MYO18A: variants seen among roughly 807,000 people sequenced by gnomAD.
MYO18A encodes the protein myosin XVIIIA, also known as unconventional myosin-XVIIIa.
A neutral mutation model predicts 235.8 loss-of-function variants in MYO18A; 78 were observed. The observed-to-expected ratio is 0.33, with a 90% CI of 0.28 to 0.40. The LOEUF (loss-of-function observed/expected upper bound fraction) is 0.40. MYO18A is among the 10% of genes least tolerant of loss of function. The probability of loss-of-function intolerance (pLI) is 1.00; values close to 1 mark genes in which losing one functional copy is unlikely to be tolerated. For synonymous variants in MYO18A, 977 were observed against 1,077.8 expected, an observed-to-expected ratio of 0.91 and a Z score of 1.83; for missense variants, 2,215 against 2,699.3, an observed-to-expected ratio of 0.82 and a Z score of 3.98.
intron 2 of MYO18A, among the ~76,000 whole-genome samples, chr17:29,164,751 C>T (rs2068243712): frequency 6.6e-6 from 1 of 152,188 alleles, no homozygotes; most frequent in East Asian, 1.9e-4. Context: ...TATGTAGCCA[C>T]CCTATCAAAA....
intron 10 of MYO18A, among the ~76,000 whole-genome samples, chr17:29,116,899 C>A (rs905023138): frequency 3.3e-5 from 5 of 152,010 alleles, no homozygotes; most frequent in African/African-American, 1.2e-4. Flanking sequence ...CTTCCCTCAA[C>A]ACACAGCCAC....
intron 28 of MYO18A, among the ~76,000 whole-genome samples, chr17:29,095,505 C>T (rs959566453): frequency 3.3e-5 from 5 of 152,256 alleles, no homozygotes; most frequent in African/African-American, 9.6e-5. Flanking sequence ...TTGCCCCTGC[C>T]TCTGGGCACC....
chr17:29,080,064 C>G (rs1414784686), intron 41 of MYO18A: 5 of 985,828 alleles, frequency 5.1e-6, no homozygotes, highest in Admixed American at 1.2e-4. Flanking sequence ...CGCTCCTTCG[C>G]CGGCTCCGGC....
In MYO18A at chr17:29,140,403, C is replaced by T. The variant is rs1381134673; in HGVS notation, c.1000-18150G>A. 1.9e-5 allele frequency: 24 copies of T among 1,283,088 alleles called. No individual in the cohort carries two copies. The East Asian group carries it at 5.7e-4, about 31-fold the overall frequency. 79.5% of individuals were successfully genotyped at this position (1,283,088 alleles called of 1,614,324 possible). A position where few individuals can be genotyped will look rare whatever the true frequency, so the allele number is the denominator to read the frequency against. On this transcript the variant is annotated intron_variant, in intron 2 of 41. Coordinates refer to ENST00000527372, the MANE Select transcript of MYO18A (RefSeq NM_078471.4). This position sits in a 1 kb window ranked among gnomAD's most constrained non-coding sequence, Gnocchi z 4.2. ...CTCCGCTCTGATGCTGCTCTGGCTC[C>T]GTTAGCAGCTCAAAATAGCACAGGC...
Position 29,120,843 on chromosome 17 carries a change from C to CT in MYO18A, c.1586-86dup. ...AGGAGCTACCCCAGAGGTATGAAGG[C>CT]TTGGGGCCATTCAGACCAGAACTGC... On this transcript the variant is annotated intron_variant, in intron 6 of 41. Coordinates refer to ENST00000527372, the MANE Select transcript of MYO18A (RefSeq NM_078471.4). The surrounding 1 kb of genome is among the most constrained non-coding windows in gnomAD (Gnocchi z 4.2). The CT allele has an allele frequency of 1.3e-6, 2 of 1,569,786 alleles. No homozygotes were observed. Among genetic ancestry groups the CT allele is most frequent in the Non-Finnish European group, 1.7e-6 (2 of 1,155,014 alleles).
At chr17:29,086,754 G>T in intron 38 of MYO18A, 177 bp from the exon 39 acceptor site, 1 of 1,125,306 alleles carries the variant, frequency 8.9e-7, no homozygotes, top group Non-Finnish European at 1.2e-6. Context: ...CCTCATCTGA[G>T]GGAGTCTCCA....
rs1428532519 is a variant in MYO18A, at chr17:29,111,555, T to C, written c.2769A>G (p.Lys923=). Residue 923 remains lysine (K), a synonymous_variant, in exon 17 of 42, where the codon AAA becomes AAG. Coordinates refer to ENST00000527372, the MANE Select transcript of MYO18A (RefSeq NM_078471.4). This position sits in a 1 kb window ranked among gnomAD's most constrained non-coding sequence, Gnocchi z 5.1. ...KGQSPLLHSS[K]PHHFLLGHSH... is the part of the protein sequence containing the mutation. The stretch of plus-strand genomic sequence containing the variant: ...TGTGGCCCAGGAGAAAGTGGTGTGG[T>C]TTGCTGCTGTGCAGAAGGGGGCTTT... The C allele has an allele frequency of 7.4e-6, 12 of 1,613,610 alleles. No homozygotes were observed. Among genetic ancestry groups the C allele is most frequent in the Non-Finnish European group, 1.0e-5 (12 of 1,179,842 alleles).
chr17:29,170,787 C>A (rs561253507), intron 1 of MYO18A, among the ~76,000 whole-genome samples: 44 of 152,302 alleles, frequency 2.9e-4, no homozygotes, highest in African/African-American at 1.1e-3. Flanking sequence ...GAGTAAGCAT[C>A]CCGAAGGCAA....
chr17:29,085,514 G>A, intron 40 of MYO18A, 90 bp downstream of exon 40: 1 of 1,159,822 alleles, frequency 8.6e-7, no homozygotes, highest in Non-Finnish European at 1.3e-6. Context: ...TCCACATGCT[G>A]CGTGCAGCGG....
chr17:29,093,470 C>A (rs2066449439), intron 31 of MYO18A, 43 bp from the exon 32 acceptor site: 1 of 1,502,376 alleles, frequency 6.7e-7, no homozygotes. Context: ...CCCTTTAGTG[C>A]CTGGTGCGAA....
intron 39 of MYO18A, 91 bp downstream of exon 39, chr17:29,086,347 G>A (rs1330350083): frequency 7.0e-7 from 1 of 1,428,540 alleles, no homozygotes; most frequent in Non-Finnish European, 9.6e-7. Flanking sequence ...GGGAGGCAGA[G>A]GTTGCAACTG....
chr17:29,122,108 T>A, intron 3 of MYO18A, 58 bp downstream of exon 3: 1 of 1,571,574 alleles, frequency 6.4e-7, no homozygotes, highest in Non-Finnish European at 8.7e-7. Context: ...GCACATTCGC[T>A]GCCCAGCCCT....
chr17:29,073,847 AG>A lies in MYO18A; in HGVS notation c.*922del. Reference sequence around the variant, plus strand: ...TCCATCTTCAGTTTTTCTGATCACAAGTCCTCAACCCCAAGCCTTCCCTCTC... The same window carrying A: ...TCCATCTTCAGTTTTTCTGATCACAATCCTCAACCCCAAGCCTTCCCTCTC... On this transcript the variant is annotated 3_prime_UTR_variant, in exon 42 of 42. Coordinates refer to ENST00000527372, the MANE Select transcript of MYO18A (RefSeq NM_078471.4). 1 of 1,578,760 alleles carries A rather than the reference AG, an allele frequency of 6.3e-7. No individual in the cohort carries two copies. The highest frequency in any genetic ancestry group is 8.7e-7 in the Non-Finnish European group (1 of 1,155,246).
chr17:29,091,009 G>A lies in MYO18A; in HGVS notation c.5188-83C>T, dbSNP rs749836999. On this transcript the variant is annotated intron_variant, in intron 34 of 41. Coordinates refer to ENST00000527372, the MANE Select transcript of MYO18A (RefSeq NM_078471.4). ...AGCTGCCTCCAATGGCAGGGGCATT[G>A]TAGAGAAGATGATAATGGGCTGAGC... is the stretch of plus-strand genomic sequence containing the variant. 6.9e-4 allele frequency: 772 copies of A among 1,119,994 alleles called. 1 individual carries two copies. The highest frequency in any genetic ancestry group is 9.8e-4 in the Non-Finnish European group (737 of 755,566). 69.4% of individuals were successfully genotyped at this position (1,119,994 alleles called of 1,614,324 possible).
chr17:29,178,397 C>A (rs1284230307), intron 1 of MYO18A, among the ~76,000 whole-genome samples: 1 of 52,304 alleles, frequency 1.9e-5, no homozygotes, highest in Admixed American at 2.6e-4. Context: ...CCCTCCCATG[C>A]CCACCCTCCA....
At position 29,117,023 on chromosome 17, in the gene MYO18A, G is replaced by A. The variant is rs1567606879; in HGVS notation, c.2039-568C>T. On this transcript the variant is annotated intron_variant, in intron 10 of 41. Coordinates refer to ENST00000527372, the MANE Select transcript of MYO18A (RefSeq NM_078471.4). This position sits in a 1 kb window ranked among gnomAD's most constrained non-coding sequence, Gnocchi z 4.6. ...TGGGGTCGCTCGCATGGAGCCTCAC[G>A]CCTGGGCACCCATTCCTCCATACAC... Among the ~76,000 whole-genome samples, 2 of 151,956 alleles carry A rather than the reference G, an allele frequency of 1.3e-5. No homozygotes were observed. The highest frequency in any genetic ancestry group is 2.4e-5 in the African/African-American group (1 of 41,360).
At chr17:29,076,968 T>C (rs2065996497) in intron 41 of MYO18A, 1 of 152,264 alleles carries the variant, frequency 6.6e-6, no homozygotes, top group Non-Finnish European at 1.5e-5. Context: ...TCTGGTCCTT[T>C]CCATTGCCTC....
At position 29,099,634 on chromosome 17, in the gene MYO18A, C is replaced by T. The variant is rs757488310; in HGVS notation, c.3636G>A (p.Lys1212=). The change falls in exon 22 of 42, where the codon AAG becomes AAA. Residue 1212 remains lysine (K), a splice_region_variant and synonymous_variant. Transcript: ENST00000527372. ...YLARQHFKKR[K]IQDLAIRCVQ... ...GGGAGGGATGTCTCTAGAGCAGCAC[C>T]TTTCTCTTCTTGAAGTGCTGGCGGG... 1 of 1,613,366 alleles carries T rather than the reference C, an allele frequency of 6.2e-7. No homozygotes were observed. Among genetic ancestry groups the T allele is most frequent in the Non-Finnish European group, 8.5e-7 (1 of 1,179,580 alleles).
At chr17:29,146,492 C>G (rs943967457) in intron 2 of MYO18A, among the ~76,000 whole-genome samples, 7 of 152,288 alleles carry the variant, frequency 4.6e-5, no homozygotes, top group African/African-American at 1.4e-4. Flanking sequence ...CTCCATTTTC[C>G]CCTCTGGGGA....
Sources: gnomAD v4.1 joint callset for allele counts (sites outside exome capture counted in the v4.1 genomes callset) on GRCh38, gnomAD v4.1.1 for gene constraint, Gnocchi (gnomAD v3.1) non-coding constraint, MANE v1.5 for transcripts, NCBI Gene and HGNC (gene_info 2026-07-23, HGNC 2026-07-21) for gene names.